The following PLEKHA5 variants were observed in gnomAD, a reference collection of about 807,000 sequenced individuals.
PLEKHA5 encodes the protein pleckstrin homology domain containing A5.
Under a neutral mutation model 181.9 loss-of-function variants are expected in PLEKHA5, and 55 were observed. That is an observed-to-expected ratio of 0.30 (90% CI 0.24 to 0.38). PLEKHA5 has a LOEUF of 0.38. Among genes scored for constraint, PLEKHA5 ranks in the 10% least tolerant of loss-of-function variants. The probability of loss-of-function intolerance (pLI) is 1.00; values close to 1 mark genes in which losing one functional copy is unlikely to be tolerated. For missense variants in PLEKHA5, 1,432 were observed against 1,549.5 expected (o/e 0.92, Z 1.27); for synonymous variants, 535 against 529.4 (o/e 1.01, Z -0.15).
At chr12:19,211,102 A>G (rs1021899226) in intron 3 of PLEKHA5, among the ~76,000 whole-genome samples, 3 of 152,186 alleles carry the variant, frequency 2.0e-5, no homozygotes, top group African/African-American at 7.2e-5. Flanking sequence ...ATACTTAAAA[A>G]TTATGAAATA....
At position 19,291,683 on chromosome 12, in the gene PLEKHA5, T is replaced by A; in HGVS notation, c.2023T>A (p.Tyr675Asn). The A allele has an allele frequency of 6.6e-7, 1 of 1,511,630 alleles. No homozygotes were observed. Among genetic ancestry groups the A allele is most frequent in the Non-Finnish European group, 8.9e-7 (1 of 1,126,072 alleles). The allele number at this position is 1,511,630 out of a possible 1,614,324, so 93.6% of individuals were successfully genotyped here. The change falls in exon 15 of 32, where the codon TAT (tyrosine) becomes AAT (asparagine). Residue 675 changes from tyrosine to asparagine, a missense_variant. By Grantham distance (143) the Tyr-to-Asn change is moderately radical. Around this residue, in one of 2 missense-constraint regions of PLEKHA5, gnomAD observed 1,143 missense variants for 1,168.4 expected, o/e 0.98. Coordinates refer to ENST00000429027, the MANE Select transcript of PLEKHA5 (RefSeq NM_001256470.2). The part of the protein sequence containing the change: ...LSHHLQRNTI[Y>N]LDHQMKENEP... The stretch of plus-strand genomic sequence containing the variant: ...ACATCATCTCCAAAGGAACACCATA[T>A]ATTTGGATCATCAGGTGGGATTCAT...
At chr12:19,296,215 G>A (rs1007890041) in intron 15 of PLEKHA5, among the ~76,000 whole-genome samples, 3 of 150,830 alleles carry the variant, frequency 2.0e-5, no homozygotes, top group African/African-American at 4.9e-5. Context: ...ACTACAGCCC[G>A]GGCGACAGAG....
Position 19,166,869 on chromosome 12 carries a change from T to G in PLEKHA5, c.227+34419T>G, listed in dbSNP as rs554022857. The stretch of plus-strand genomic sequence containing the variant: ...GACTCCTATTAATGTATAGTCCACC[T>G]TATATTTGTTTAAATTAAGTTATCA... On this transcript the variant is annotated intron_variant, in intron 3 of 31. Coordinates refer to ENST00000429027, the MANE Select transcript of PLEKHA5 (RefSeq NM_001256470.2). 3.3e-5 allele frequency among the ~76,000 whole-genome samples: 5 copies of G among 152,358 alleles called. No homozygotes were observed. In the South Asian group the frequency reaches 1.0e-3, roughly 32 times the overall value.
At position 19,367,973 on chromosome 12, in the gene PLEKHA5, C is replaced by T. The variant is rs531547872; in HGVS notation, c.3755-1720C>T. ...TGCCCTTTTGCAGAAGAGTAAGAAA[C>T]AATGAAATTCAAGTATTCAGGACCA... On this transcript the variant is annotated intron_variant, in intron 30 of 31. Coordinates refer to ENST00000429027, the MANE Select transcript of PLEKHA5 (RefSeq NM_001256470.2). Among the ~76,000 whole-genome samples, 322 of 152,132 alleles carry T rather than the reference C, an allele frequency of 2.1e-3. 1 individual carries two copies. The highest frequency in any genetic ancestry group is 4.0e-3 in the Non-Finnish European group (269 of 67,994).
At chr12:19,161,454 A>G (rs1341754766) in intron 3 of PLEKHA5, among the ~76,000 whole-genome samples, 1 of 152,200 alleles carries the variant, frequency 6.6e-6, no homozygotes, top group Admixed American at 6.5e-5. Context: ...AAAAACTAAC[A>G]GACTTACCGG....
In PLEKHA5 at chr12:19,348,391, C is replaced by A; in HGVS notation, c.2899-8C>A. The stretch of plus-strand genomic sequence containing the variant: ...TTTTTTAGGGTAATTACATGTCTTC[C>A]TTTCAAGGGTCCAGATTATAGACTC... On this transcript the variant is annotated splice_polypyrimidine_tract_variant and splice_region_variant and intron_variant, in intron 24 of 31. Transcript: ENST00000429027. 6.4e-7 allele frequency: 1 copy of A among 1,566,484 alleles called. No individual in the cohort carries two copies. The highest frequency in any genetic ancestry group is 8.6e-7 in the Non-Finnish European group (1 of 1,161,708).
chr12:19,215,310 A>G (rs898711259), intron 3 of PLEKHA5, among the ~76,000 whole-genome samples: 5 of 152,318 alleles, frequency 3.3e-5, no homozygotes, highest in African/African-American at 9.6e-5. Flanking sequence ...TTAAATGTAA[A>G]ATATAAAAAT....
intron 29 of PLEKHA5, among the ~76,000 whole-genome samples, chr12:19,364,226 G>C (rs1306008941): frequency 6.6e-6 from 1 of 152,044 alleles, no homozygotes; most frequent in Non-Finnish European, 1.5e-5. Flanking sequence ...ATTGTTTTGT[G>C]GCAGGGTGCA....
intron 10 of PLEKHA5, among the ~76,000 whole-genome samples, chr12:19,271,577 A>C (rs2152715872): frequency 6.6e-6 from 1 of 152,334 alleles, no homozygotes; most frequent in Non-Finnish European, 1.5e-5. Flanking sequence ...AGAATACAGA[A>C]ATCTGTATAA....
intron 3 of PLEKHA5, among the ~76,000 whole-genome samples, chr12:19,182,163 G>A (rs1290371266): frequency 6.6e-6 from 1 of 152,132 alleles, no homozygotes; most frequent in Non-Finnish European, 1.5e-5. Context: ...AATTAGTCTT[G>A]AGCAAGAGTT....
intron 25 of PLEKHA5, among the ~76,000 whole-genome samples, chr12:19,349,999 C>G (rs2094517436): frequency 6.6e-6 from 1 of 152,132 alleles, no homozygotes. Flanking sequence ...GTAGTCCCAG[C>G]TACTCAGGAG....
At chr12:19,201,697 A>G (rs753633595) in intron 3 of PLEKHA5, 2 of 152,106 alleles carry the variant, frequency 1.3e-5, no homozygotes. Flanking sequence ...GATGCTGCCT[A>G]AAAGAGCCAG....
intron 3 of PLEKHA5, among the ~76,000 whole-genome samples, chr12:19,225,272 G>A (rs1440835250): frequency 6.6e-6 from 1 of 152,136 alleles, no homozygotes; most frequent in Non-Finnish European, 1.5e-5. Context: ...ATTGCCTACT[G>A]CGTGTGTCAG....
At chr12:19,253,790 A>G (rs1362692277) in intron 3 of PLEKHA5, 150 bp from the exon 4 acceptor site, 1 of 622,858 alleles carries the variant, frequency 1.6e-6, no homozygotes, top group African/African-American at 1.9e-5. Flanking sequence ...ATTGCACTCC[A>G]ACCTGGGCGA....
At chr12:19,327,531 C>G (rs980558258) in intron 20 of PLEKHA5, among the ~76,000 whole-genome samples, 4 of 151,702 alleles carry the variant, frequency 2.6e-5, no homozygotes, top group African/African-American at 4.8e-5. Context: ...AGTATTTTCT[C>G]TCATTCTGTA....
At chr12:19,197,676 C>CTGTGTA (rs2053163589) in intron 3 of PLEKHA5, among the ~76,000 whole-genome samples, 1 of 110,930 alleles carries the variant, frequency 9.0e-6, no homozygotes, top group African/African-American at 3.4e-5. Context: ...CTATCCGGTG[C>CTGTGTA]TGTGTGTGTG....
At chr12:19,369,516 T>A (rs2095523760) in intron 30 of PLEKHA5, among the ~76,000 whole-genome samples, 177 bp from the exon 31 acceptor site, 2 of 139,610 alleles carry the variant, frequency 1.4e-5, no homozygotes, top group African/African-American at 5.2e-5. Flanking sequence ...CCCATCTCAA[T>A]TAATAAAAAT....
chr12:19,175,767 G>T lies in PLEKHA5; in HGVS notation c.227+43317G>T, dbSNP rs1236832885. Among the ~76,000 whole-genome samples the T allele has an allele frequency of 3.3e-5, 5 of 152,254 alleles. No homozygotes were observed. In the East Asian group the frequency reaches 9.6e-4, roughly 29 times the overall value. ...CTTTTGCTTAGTAACTGTGACTGAA[G>T]AAATCTTTCCCTTATTTTGAAATAA... is the stretch of plus-strand genomic sequence containing the variant. On this transcript the variant is annotated intron_variant, in intron 3 of 31. Coordinates refer to ENST00000429027, the MANE Select transcript of PLEKHA5 (RefSeq NM_001256470.2).
chr12:19,157,921 A>G lies in PLEKHA5; in HGVS notation c.227+25471A>G, dbSNP rs183374187. On this transcript the variant is annotated intron_variant, in intron 3 of 31. Transcript: ENST00000429027. ...AGATTTAAGTGATGCCGAACTCTGG[A>G]ATAATTAGTCATCATTTTGTGTAAC... 1.7e-3 allele frequency among the ~76,000 whole-genome samples: 263 copies of G among 152,354 alleles called. 1 individual carries two copies. Among genetic ancestry groups the G allele is most frequent in the Non-Finnish European group, 3.2e-3 (217 of 68,030 alleles).
Sources: gnomAD v4.1 joint callset for allele counts (sites outside exome capture counted in the v4.1 genomes callset) on GRCh38, gnomAD v4.1.1 for gene constraint, gnomAD v4.1.1 regional missense constraint, MANE v1.5 for transcripts, NCBI Gene and HGNC (gene_info 2026-07-23, HGNC 2026-07-21) for gene names.